HS6ST3: variants seen among roughly 807,000 people sequenced by gnomAD.
The protein encoded by HS6ST3 is heparan sulfate 6-O-sulfotransferase 3, also known as heparan-sulfate 6-O-sulfotransferase 3.
HS6ST3 carries 12 observed loss-of-function variants against 36.7 expected under a neutral mutation model. The observed-to-expected ratio is 0.33, with a 90% CI of 0.21 to 0.53. HS6ST3 has a LOEUF of 0.53. HS6ST3 is among the 20% of genes least tolerant of loss of function. The probability of loss-of-function intolerance (pLI) is 0.95; values close to 1 mark genes in which losing one functional copy is unlikely to be tolerated. For missense variants in HS6ST3, 584 were observed against 640.9 expected (o/e 0.91, Z 0.96); for synonymous variants, 240 against 257.5 (o/e 0.93, Z 0.65).
At chr13:96,806,213 G>A (rs968066013) in intron 1 of HS6ST3, among the ~76,000 whole-genome samples, 1 of 152,086 alleles carries the variant, frequency 6.6e-6, no homozygotes, top group African/African-American at 2.4e-5. Flanking sequence ...GAATATCCTT[G>A]GGCAGGTCCA....
chr13:96,205,432 A>G (rs759749414), intron 1 of HS6ST3, among the ~76,000 whole-genome samples: 4 of 152,180 alleles, frequency 2.6e-5, no homozygotes, highest in Non-Finnish European at 4.4e-5. Context: ...TACTGAAACT[A>G]TTCCAAACAA....
intron 1 of HS6ST3, among the ~76,000 whole-genome samples, chr13:96,392,187 A>G (rs1189583252): frequency 6.6e-6 from 1 of 152,228 alleles, no homozygotes; most frequent in Non-Finnish European, 1.5e-5. Flanking sequence ...AGTTTGCTTC[A>G]GCACATACCT....
intron 1 of HS6ST3, among the ~76,000 whole-genome samples, chr13:96,490,630 A>G (rs1402966623): frequency 1.3e-5 from 2 of 152,184 alleles, no homozygotes; most frequent in Admixed American, 6.5e-5. Flanking sequence ...CTTTCCAAGT[A>G]CTTAACAATT....
intron 1 of HS6ST3, among the ~76,000 whole-genome samples, chr13:96,165,379 A>T (rs2139331148): frequency 6.6e-6 from 1 of 152,224 alleles, no homozygotes; most frequent in South Asian, 2.1e-4. Flanking sequence ...GTTGCCCTGG[A>T]GGACTCCTTA....
chr13:96,805,465 C>G (rs1402204778), intron 1 of HS6ST3, among the ~76,000 whole-genome samples: 2 of 152,220 alleles, frequency 1.3e-5, no homozygotes, highest in African/African-American at 4.8e-5. Flanking sequence ...TATAAATTAC[C>G]CAGTCTCAGG....
chr13:96,333,165 C>G (rs1008008579), intron 1 of HS6ST3, among the ~76,000 whole-genome samples: 1 of 152,206 alleles, frequency 6.6e-6, no homozygotes, highest in Non-Finnish European at 1.5e-5. Context: ...TTGACCACAT[C>G]TACTTAAAAA....
intron 1 of HS6ST3, among the ~76,000 whole-genome samples, chr13:96,310,829 T>A (rs188685025): frequency 6.6e-6 from 1 of 152,334 alleles, no homozygotes; most frequent in Admixed American, 6.5e-5. Context: ...TTCATTTAAC[T>A]ACAGTTCACC....
In HS6ST3 at chr13:96,832,654, C is replaced by A. The variant is rs1166694394; in HGVS notation, c.872C>A (p.Ser291Tyr). The part of the protein sequence containing the change: ...LPTCYPGDDW[S>Y]GVSLREFMDC... The stretch of plus-strand genomic sequence containing the variant: ...ACCTGCTACCCTGGGGATGACTGGT[C>A]TGGGGTCAGCTTGCGGGAGTTTATG... Residue 291 changes from serine to tyrosine, a missense_variant, in exon 2 of 2, where the codon TCT becomes TAT. Physicochemically the swap from Ser to Tyr is moderately radical, Grantham distance 144 (BLOSUM62 -2). Around this residue, in one of 3 missense-constraint regions of HS6ST3, gnomAD observed 360 missense variants for 411.3 expected, o/e 0.88. Coordinates refer to ENST00000376705, the MANE Select transcript of HS6ST3 (RefSeq NM_153456.4). 3.7e-6 allele frequency: 6 copies of A among 1,614,086 alleles called. No individual in the cohort carries two copies. Among genetic ancestry groups the A allele is most frequent in the Non-Finnish European group, 5.1e-6 (6 of 1,179,982 alleles).
chr13:96,506,641 T>C (rs1427224688), intron 1 of HS6ST3, among the ~76,000 whole-genome samples: 1 of 152,182 alleles, frequency 6.6e-6, no homozygotes, highest in Non-Finnish European at 1.5e-5. Context: ...ATGTTATTTC[T>C]GCTCCTGTGA....
chr13:96,695,906 T>A (rs1421314432), intron 1 of HS6ST3, among the ~76,000 whole-genome samples: 2 of 152,152 alleles, frequency 1.3e-5, no homozygotes, highest in African/African-American at 4.8e-5. Flanking sequence ...GCCTTCTGAA[T>A]CCAAATGTTA....
Position 96,090,760 on chromosome 13 carries a change from G to A in HS6ST3, c.-103G>A. 6.4e-6 allele frequency: 6 copies of A among 940,334 alleles called. No individual in the cohort carries two copies. The highest frequency in any genetic ancestry group is 8.4e-6 in the Non-Finnish European group (6 of 715,036). 58.2% of individuals were successfully genotyped at this position (940,334 alleles called of 1,614,324 possible). On this transcript the variant is annotated 5_prime_UTR_variant, in exon 1 of 2. Coordinates refer to ENST00000376705, the MANE Select transcript of HS6ST3 (RefSeq NM_153456.4). ...CGTCAGGGGCATGGAGGAACGGCGG[G>A]CTCCGAGCCGCGCCCCGGAGTCCGC...
chr13:96,374,895 G>A (rs2055307275), intron 1 of HS6ST3, among the ~76,000 whole-genome samples: 1 of 152,002 alleles, frequency 6.6e-6, no homozygotes. Context: ...TGGCTCAGAT[G>A]CACTGCATTA....
At chr13:96,098,591 G>C (rs936932780) in intron 1 of HS6ST3, among the ~76,000 whole-genome samples, 5 of 152,296 alleles carry the variant, frequency 3.3e-5, no homozygotes, top group African/African-American at 9.6e-5. Context: ...GAGGCCAGGG[G>C]TAGGTGGGTC....
chr13:96,443,000 A>C (rs9582046), intron 1 of HS6ST3, among the ~76,000 whole-genome samples: 2,197 of 152,178 alleles, frequency 0.014, 67 homozygotes, highest in African/African-American at 0.05. Flanking sequence ...GAGCAATATT[A>C]GGTAAAAAAT....
chr13:96,742,176 G>T (rs1876457627), intron 1 of HS6ST3, among the ~76,000 whole-genome samples: 1 of 152,016 alleles, frequency 6.6e-6, no homozygotes, highest in Non-Finnish European at 1.5e-5. Flanking sequence ...AGAAAACAGT[G>T]TATGTCACAC....
At chr13:96,311,338 G>A (rs1023361638) in intron 1 of HS6ST3, among the ~76,000 whole-genome samples, 1 of 152,064 alleles carries the variant, frequency 6.6e-6, no homozygotes, top group Non-Finnish European at 1.5e-5. Context: ...CTGTAACTGT[G>A]GAATGGCAGC....
intron 1 of HS6ST3, among the ~76,000 whole-genome samples, chr13:96,147,777 A>AAATG (rs373348066): frequency 0.017 from 2,582 of 152,256 alleles, 28 homozygotes; most frequent in South Asian, 0.055. Context: ...ACAATTTGGA[A>AAATG]AATGAATGAA....
chr13:96,823,978 G>A (rs1056792020), intron 1 of HS6ST3, among the ~76,000 whole-genome samples: 3 of 152,124 alleles, frequency 2.0e-5, no homozygotes, highest in Non-Finnish European at 2.9e-5. Flanking sequence ...ATACATTATT[G>A]CGTATCCAAG....
chr13:96,471,066 GT>G (rs1327818131), intron 1 of HS6ST3, among the ~76,000 whole-genome samples: 1 of 152,148 alleles, frequency 6.6e-6, no homozygotes, highest in East Asian at 1.9e-4. Flanking sequence ...TTTTCCTCCA[GT>G]TTCTTTTGGA....
Sources: allele counts gnomAD v4.1 joint callset (sites outside exome capture counted in the v4.1 genomes callset), GRCh38; gene constraint gnomAD v4.1.1; regional missense constraint gnomAD v4.1.1; transcripts MANE v1.5; gene names NCBI Gene and HGNC (gene_info 2026-07-23, HGNC 2026-07-21).